The following PSD3 variants were observed in gnomAD, a reference collection of about 807,000 sequenced individuals.
PSD3 encodes the protein pleckstrin and Sec7 domain containing 3.
In PSD3, 49 loss-of-function variants were observed where a neutral mutation model predicts 105.5. The observed-to-expected ratio is 0.46, with a 90% CI of 0.37 to 0.59. The LOEUF is 0.59. Ranked by LOEUF, PSD3 falls within the 20% of genes least tolerant of loss-of-function variation. The pLI, the probability that PSD3 is intolerant of heterozygous loss-of-function variation, is 0.00. For synonymous variants in PSD3, 557 were observed against 457.8 expected, an observed-to-expected ratio of 1.22 and a Z score of -2.77; for missense variants, 1,561 against 1,263.8, an observed-to-expected ratio of 1.24 and a Z score of -3.57.
At chr8:18,562,245 T>C (rs1406224899) in intron 14 of PSD3, among the ~76,000 whole-genome samples, 2 of 152,200 alleles carry the variant, frequency 1.3e-5, no homozygotes, top group Non-Finnish European at 2.9e-5. Flanking sequence ...GAATCCTAGA[T>C]GTTCTAAGGT....
intron 10 of PSD3, among the ~76,000 whole-genome samples, chr8:18,648,919 G>A (rs1286188775): frequency 4.6e-5 from 7 of 152,250 alleles, no homozygotes; most frequent in African/African-American, 1.4e-4. Flanking sequence ...TTAAGCCTAT[G>A]GGTATGCAGA....
At chr8:18,542,817 A>T (rs941814537) in intron 15 of PSD3, among the ~76,000 whole-genome samples, 6 of 152,184 alleles carry the variant, frequency 3.9e-5, no homozygotes. Context: ...AAGGACAAAG[A>T]CAGTTCCAGA....
chr8:18,665,588 C>T (rs1325178321), intron 9 of PSD3, among the ~76,000 whole-genome samples: 2 of 152,202 alleles, frequency 1.3e-5, no homozygotes, highest in Admixed American at 1.3e-4. Context: ...GTTCATAAAG[C>T]AGTAGCAGGG....
chr8:18,852,312 T>C (rs1182934718), intron 4 of PSD3, among the ~76,000 whole-genome samples: 1 of 152,160 alleles, frequency 6.6e-6, no homozygotes, highest in African/African-American at 2.4e-5. Context: ...TTCACACAGC[T>C]GCACAGCTAC....
chr8:18,626,694 A>T (rs1806506364), intron 11 of PSD3, among the ~76,000 whole-genome samples: 1 of 152,122 alleles, frequency 6.6e-6, no homozygotes, highest in African/African-American at 2.4e-5. Context: ...AAGAAGGCAA[A>T]AACATTCAGA....
At chr8:18,767,407 T>C (rs1239198622) in intron 8 of PSD3, among the ~76,000 whole-genome samples, 1 of 152,112 alleles carries the variant, frequency 6.6e-6, no homozygotes, top group Non-Finnish European at 1.5e-5. Flanking sequence ...ACAGGTATCA[T>C]CTCTAGCAAA....
intron 8 of PSD3, among the ~76,000 whole-genome samples, chr8:18,788,636 C>T (rs1025327211): frequency 1.3e-5 from 2 of 152,130 alleles, no homozygotes; most frequent in African/African-American, 2.4e-5. Context: ...TTGCGGAAAA[C>T]GTGCTTTTGG....
At chr8:18,656,717 A>AT (rs571296261) in intron 9 of PSD3, among the ~76,000 whole-genome samples, 6 of 152,144 alleles carry the variant, frequency 3.9e-5, no homozygotes, top group East Asian at 3.9e-4. Context: ...ACCGAGAAAC[A>AT]TTTTTTTAAG....
intron 15 of PSD3, among the ~76,000 whole-genome samples, chr8:18,544,171 C>CAAAAAAAAAAAAAAAAAAAAAAAACAA (rs1800310486): frequency 1.9e-5 from 2 of 106,692 alleles, no homozygotes; most frequent in African/African-American, 4.9e-5. Context: ...AGAAACAAAC[C>CAAAAAAAAAAAAAAAAAAAAAAAACAA]AAAAAAAAAA....
intron 15 of PSD3, among the ~76,000 whole-genome samples, chr8:18,546,343 T>TAAATGGGAAGTATCATAAGTAGTCATA (rs1800449819): frequency 6.6e-6 from 1 of 152,124 alleles, no homozygotes; most frequent in African/African-American, 2.4e-5. Flanking sequence ...AGTGATCCTT[T>TAAATGGGAAGTATCATAAGTAGTCATA]AAATGGGAAG....
intron 2 of PSD3, among the ~76,000 whole-genome samples, chr8:18,879,579 C>G (rs1182547246): frequency 6.6e-6 from 1 of 151,834 alleles, no homozygotes; most frequent in Non-Finnish European, 1.5e-5. Context: ...GAGAGATCAT[C>G]ATTCATCATT....
At chr8:18,659,422 G>A (rs565442632) in intron 9 of PSD3, among the ~76,000 whole-genome samples, 5 of 152,242 alleles carry the variant, frequency 3.3e-5, no homozygotes, top group Middle Eastern at 3.4e-3. Context: ...TGAAACAAAG[G>A]TTTCCTTATA....
At chr8:18,602,709 G>T (rs1305383088) in intron 11 of PSD3, among the ~76,000 whole-genome samples, 3 of 152,034 alleles carry the variant, frequency 2.0e-5, no homozygotes, top group Non-Finnish European at 4.4e-5. Flanking sequence ...TTCAGGGGAA[G>T]AAGGGACTAC....
chr8:18,565,470 T>A (rs144510883), intron 14 of PSD3, among the ~76,000 whole-genome samples: 35 of 152,344 alleles, frequency 2.3e-4, no homozygotes, highest in African/African-American at 7.9e-4. Context: ...CAATAATCAA[T>A]TTTAATGATT....
intron 1 of PSD3, among the ~76,000 whole-genome samples, chr8:19,007,832 TTTTTTA>T (rs962826400): frequency 1.6e-4 from 25 of 152,210 alleles, no homozygotes; most frequent in East Asian, 3.9e-4. Flanking sequence ...TCAAGGGAGA[TTTTTTA>T]TTTTTATTTT....
intron 9 of PSD3, among the ~76,000 whole-genome samples, chr8:18,686,549 G>C (rs963361617): frequency 6.6e-6 from 1 of 152,176 alleles, no homozygotes; most frequent in African/African-American, 2.4e-5. Context: ...AATGCTGCTA[G>C]CAGTCTCACA....
chr8:18,901,814 G>T (rs916457782), intron 2 of PSD3, among the ~76,000 whole-genome samples: 1 of 152,128 alleles, frequency 6.6e-6, no homozygotes, highest in African/African-American at 2.4e-5. Context: ...ATTCCTGGCT[G>T]GCAGTATTTC....
chr8:18,999,613 C>G (rs1406899180), intron 1 of PSD3, among the ~76,000 whole-genome samples: 1 of 151,780 alleles, frequency 6.6e-6, no homozygotes, highest in African/African-American at 2.4e-5. Context: ...TAAATGGCCA[C>G]AAGAGAATTC....
chr8:18,654,718 AAC>A (rs1808759464), intron 10 of PSD3, among the ~76,000 whole-genome samples: 1 of 152,188 alleles, frequency 6.6e-6, no homozygotes, highest in South Asian at 2.1e-4. Context: ...GGGGACTGAT[AAC>A]ACACATTGGC....
Sources: allele counts gnomAD v4.1 joint callset (sites outside exome capture counted in the v4.1 genomes callset), GRCh38; gene constraint gnomAD v4.1.1; transcripts MANE v1.5; gene names NCBI Gene and HGNC (gene_info 2026-07-23, HGNC 2026-07-21).